POLA1: variants seen among roughly 807,000 people sequenced by gnomAD.
POLA1 encodes DNA polymerase alpha catalytic subunit.
A neutral mutation model predicts 124.0 loss-of-function variants in POLA1; 15 were observed. The observed-to-expected ratio is 0.12, with a 90% CI of 0.08 to 0.19. POLA1 has a LOEUF of 0.19. Ranked by LOEUF, POLA1 falls within the 10% of genes least tolerant of loss-of-function variation. POLA1 has a pLI of 1.00. For synonymous variants in POLA1, 408 were observed against 389.4 expected, an observed-to-expected ratio of 1.05 and a Z score of -0.56; for missense variants, 886 against 1,103.4, an observed-to-expected ratio of 0.80 and a Z score of 2.79.
At chrX:24,985,183 G>A (rs1370168577) in intron 36 of POLA1, among the ~76,000 whole-genome samples, 3 of 112,307 alleles carry the variant, frequency 2.7e-5, no homozygotes, top group African/African-American at 9.7e-5. Context: ...TCTATACCAG[G>A]AGTTGGCACA....
At chrX:24,956,255 T>G (rs2048104740) in intron 36 of POLA1, among the ~76,000 whole-genome samples, 1 of 110,092 alleles carries the variant, frequency 9.1e-6, no homozygotes. Flanking sequence ...ATCGTGCCAC[T>G]GTACTGTAGC....
chrX:24,974,063 A>G, intron 36 of POLA1, among the ~76,000 whole-genome samples: 1 of 111,133 alleles, frequency 9.0e-6, no homozygotes, highest in Non-Finnish European at 1.9e-5. Context: ...ATGACAGGAA[A>G]AAAAAAATCC....
chrX:24,982,240 CA>C (rs201924941), intron 36 of POLA1, among the ~76,000 whole-genome samples: 21 of 106,447 alleles, frequency 2.0e-4, no homozygotes, highest in African/African-American at 4.8e-4. Context: ...ACTGCTGCCA[CA>C]AAAAAAAAGA....
intron 35 of POLA1, among the ~76,000 whole-genome samples, chrX:24,918,570 T>C (rs979279192): frequency 3.6e-5 from 4 of 112,375 alleles, no homozygotes; most frequent in African/African-American, 1.3e-4. Context: ...GTACTGTTGT[T>C]ATTCCTGCTT....
chrX:24,784,064 T>C (rs1256997861), intron 26 of POLA1, among the ~76,000 whole-genome samples: 2 of 93,936 alleles, frequency 2.1e-5, no homozygotes, highest in African/African-American at 4.0e-5. Context: ...TATTTCTTTT[T>C]TTTTTTTTTT....
intron 30 of POLA1, among the ~76,000 whole-genome samples, chrX:24,815,639 T>G (rs2045979184): frequency 8.9e-6 from 1 of 112,117 alleles, no homozygotes. Flanking sequence ...AATCTTGGTT[T>G]CCAAAGTATT....
chrX:24,745,602 G>T (rs1931956520), intron 24 of POLA1, 60 bp downstream of exon 24: 1 of 766,435 alleles, frequency 1.3e-6, no homozygotes, highest in Admixed American at 2.8e-5. Context: ...AAAGAAGGAA[G>T]ATCTGTGTCT....
intron 35 of POLA1, among the ~76,000 whole-genome samples, chrX:24,899,708 C>T (rs777251252): frequency 9.0e-6 from 1 of 111,566 alleles, no homozygotes; most frequent in Non-Finnish European, 1.9e-5. Flanking sequence ...CTCTAAGCAA[C>T]CACAGGATAA....
intron 36 of POLA1, among the ~76,000 whole-genome samples, chrX:24,948,817 T>G (rs2047998694): frequency 8.9e-6 from 1 of 112,012 alleles, no homozygotes; most frequent in Admixed American, 9.5e-5. Flanking sequence ...TCTAACTCAT[T>G]CATCAGTAGA....
intron 10 of POLA1, among the ~76,000 whole-genome samples, chrX:24,719,932 C>T (rs1363091710): frequency 9.1e-6 from 1 of 110,157 alleles, no homozygotes; most frequent in African/African-American, 3.3e-5. Context: ...TCTTAGCTAT[C>T]GTCTTCCACA....
At position 24,727,019 on chromosome X, in the gene POLA1, C is replaced by G; in HGVS notation, c.1479C>G (p.Phe493Leu). ...CCAACACATCTAGCCTGGAACTGTT[C>G]TTGATGAACAGAAAGATCAAAGGAC... ...FGTNTSSLEL[F>L]LMNRKIKGPC... Residue 493 changes from phenylalanine to leucine, a missense_variant, in exon 14 of 37, where the codon TTC (phenylalanine) becomes TTG (leucine). Phe to Leu is a conservative substitution (Grantham distance 22, BLOSUM62 0). This residue lies in a region of POLA1 where 337 missense variants were observed against 402.8 expected (regional missense o/e 0.84). Coordinates refer to ENST00000379068, the MANE Select transcript of POLA1 (RefSeq NM_001330360.2). 8.3e-7 allele frequency: 1 copy of G among 1,200,532 alleles called. No individual in the cohort carries two copies.
chrX:24,817,078 A>G (rs917978619), intron 30 of POLA1, among the ~76,000 whole-genome samples: 4 of 111,257 alleles, frequency 3.6e-5, no homozygotes, highest in African/African-American at 1.3e-4. Context: ...CTGTGAATAG[A>G]TTTTTCTGTG....
At chrX:24,903,864 G>A (rs923982306) in intron 35 of POLA1, among the ~76,000 whole-genome samples, 1 of 110,090 alleles carries the variant, frequency 9.1e-6, no homozygotes, top group Non-Finnish European at 1.9e-5. Context: ...CATGGAGACC[G>A]AAAAGTAAAC....
At chrX:24,700,530 A>G (rs1928338134) in intron 2 of POLA1, among the ~76,000 whole-genome samples, 1 of 112,088 alleles carries the variant, frequency 8.9e-6, no homozygotes, top group Non-Finnish European at 1.9e-5. Flanking sequence ...TGTTTTTGAG[A>G]TGGAGTCTCT....
chrX:24,711,930 A>G (rs1299871979), intron 4 of POLA1, among the ~76,000 whole-genome samples: 2 of 111,921 alleles, frequency 1.8e-5, no homozygotes, highest in African/African-American at 6.5e-5. Context: ...GCTATTGCCT[A>G]TTCTTTATAG....
intron 35 of POLA1, 76 bp from the exon 36 acceptor site, chrX:24,930,377 A>G (rs762155567): frequency 1.5e-6 from 1 of 660,881 alleles, no homozygotes; most frequent in Non-Finnish European, 2.4e-6. Flanking sequence ...AGTAGGGGAT[A>G]CACTCTGCTG....
At chrX:24,813,382 C>T in intron 29 of POLA1, among the ~76,000 whole-genome samples, 1 of 111,718 alleles carries the variant, frequency 9.0e-6, no homozygotes, top group Non-Finnish European at 1.9e-5. Flanking sequence ...GTTAAGGGCT[C>T]CTTCTCAAAT....
rs765150183 is a variant in POLA1, at chrX:24,841,788, A to G, written c.3873A>G (p.Thr1291=). The change falls in exon 33 of 37, where the codon ACA becomes ACG. Residue 1291 remains threonine, a synonymous_variant. Coordinates refer to ENST00000379068, the MANE Select transcript of POLA1 (RefSeq NM_001330360.2). ...AAAGATTCAAATGTCCATGCCCTACATGTGGAACTGAGAATATTTATGATA... is the reference window on the plus strand; with the variant it reads ...AAAGATTCAAATGTCCATGCCCTACGTGTGGAACTGAGAATATTTATGATA... ...DCERFKCPCP[T]CGTENIYDNV... 7 of 1,199,834 alleles carry G rather than the reference A, an allele frequency of 5.8e-6. No homozygotes were observed. In the East Asian group the frequency reaches 8.9e-5, roughly 15 times the overall value.
intron 26 of POLA1, among the ~76,000 whole-genome samples, chrX:24,776,386 C>T (rs1158344323): frequency 9.0e-6 from 1 of 111,441 alleles, no homozygotes; most frequent in Non-Finnish European, 1.9e-5. Context: ...ATTTATATAG[C>T]ATTTTCCCCC....
Sources: gnomAD v4.1 joint callset for allele counts (sites outside exome capture counted in the v4.1 genomes callset) on GRCh38, gnomAD v4.1.1 for gene constraint, gnomAD v4.1.1 regional missense constraint, MANE v1.5 for transcripts, NCBI Gene and HGNC (gene_info 2026-07-23, HGNC 2026-07-21) for gene names.